The following ATG10 variants were observed in gnomAD, a reference collection of about 807,000 sequenced individuals.
The protein encoded by ATG10 is ubiquitin-like-conjugating enzyme ATG10.
In ATG10, 30 loss-of-function variants were observed where a neutral mutation model predicts 32.1. That is an observed-to-expected ratio of 0.94 (90% CI 0.70 to 1.27). The LOEUF (loss-of-function observed/expected upper bound fraction) is 1.27. ATG10 is among the 50% of genes most tolerant of loss of function. The pLI, the probability that ATG10 is intolerant of heterozygous loss-of-function variation, is 0.00. For synonymous variants in ATG10, 87 were observed against 91.5 expected (o/e 0.95, Z 0.28); for missense variants, 233 against 262.3 (o/e 0.89, Z 0.77).
chr5:82,078,905 C>T (rs981043596), intron 3 of ATG10, among the ~76,000 whole-genome samples: 2 of 152,110 alleles, frequency 1.3e-5, no homozygotes, highest in Non-Finnish European at 2.9e-5. Flanking sequence ...CCCCCTCTAC[C>T]AAGGAGCTGT....
chr5:82,226,199 A>G (rs1036786013), intron 5 of ATG10, among the ~76,000 whole-genome samples: 5 of 152,154 alleles, frequency 3.3e-5, no homozygotes, highest in Non-Finnish European at 7.4e-5. Flanking sequence ...CTGAACATCA[A>G]ACCTTTTAAT....
chr5:82,243,265 A>C (rs577728219), intron 5 of ATG10, among the ~76,000 whole-genome samples: 4 of 152,152 alleles, frequency 2.6e-5, no homozygotes, highest in Non-Finnish European at 5.9e-5. Flanking sequence ...AAGAAAAGGA[A>C]AGGAAGAAAC....
intron 5 of ATG10, among the ~76,000 whole-genome samples, chr5:82,239,730 T>C (rs980565115): frequency 6.6e-6 from 1 of 152,028 alleles, no homozygotes; most frequent in Non-Finnish European, 1.5e-5. Flanking sequence ...TGAAGAGATA[T>C]CCTACAGAAT....
At chr5:82,114,854 T>C (rs568908081) in intron 3 of ATG10, among the ~76,000 whole-genome samples, 2 of 152,236 alleles carry the variant, frequency 1.3e-5, no homozygotes, top group Admixed American at 6.6e-5. Context: ...ATGTAAAATA[T>C]GTACTATATG....
At chr5:82,137,046 T>C (rs1766787436) in intron 3 of ATG10, among the ~76,000 whole-genome samples, 1 of 152,106 alleles carries the variant, frequency 6.6e-6, no homozygotes, top group Non-Finnish European at 1.5e-5. Flanking sequence ...TCATGCTGTG[T>C]TTTTCAGCTC....
chr5:82,174,230 C>A (rs1743921788), intron 4 of ATG10, among the ~76,000 whole-genome samples: 1 of 152,110 alleles, frequency 6.6e-6, no homozygotes, highest in Non-Finnish European at 1.5e-5. Flanking sequence ...ACTAGGCAAA[C>A]CAGTGACGAA....
intron 5 of ATG10, among the ~76,000 whole-genome samples, chr5:82,199,958 A>G (rs1745001694): frequency 6.6e-6 from 1 of 152,218 alleles, no homozygotes; most frequent in South Asian, 2.1e-4. Flanking sequence ...TTCAGTATAT[A>G]TCAATAGTTT....
chr5:82,221,966 C>T (rs1226672471), intron 5 of ATG10, among the ~76,000 whole-genome samples: 2 of 152,132 alleles, frequency 1.3e-5, no homozygotes, highest in East Asian at 3.8e-4. Context: ...AATCTTGTAT[C>T]GGAGTTGCAT....
intron 2 of ATG10, among the ~76,000 whole-genome samples, chr5:82,027,572 G>T (rs575535025): frequency 6.6e-6 from 1 of 152,142 alleles, no homozygotes; most frequent in African/African-American, 2.4e-5. Flanking sequence ...AATGCAGAAA[G>T]TTCCCTAACT....
At chr5:82,131,641 C>CT (rs71000885) in intron 3 of ATG10, among the ~76,000 whole-genome samples, 4,141 of 146,458 alleles carry the variant, frequency 0.028, 100 homozygotes, top group Non-Finnish European at 0.034. Context: ...TTTTATTCTA[C>CT]TTTTTTTTTT....
At chr5:82,119,548 C>T (rs1765960861) in intron 3 of ATG10, among the ~76,000 whole-genome samples, 1 of 152,068 alleles carries the variant, frequency 6.6e-6, no homozygotes, top group African/African-American at 2.4e-5. Flanking sequence ...GCAACCTCCG[C>T]CTCCTGGGTT....
chr5:82,031,475 A>G (rs1193833118), intron 2 of ATG10, among the ~76,000 whole-genome samples: 1 of 152,248 alleles, frequency 6.6e-6, no homozygotes, highest in Non-Finnish European at 1.5e-5. Context: ...AGCCAAAAAA[A>G]CACAGTGGGA....
intron 3 of ATG10, among the ~76,000 whole-genome samples, chr5:82,142,474 C>G (rs933540682): frequency 6.6e-6 from 1 of 152,004 alleles, no homozygotes; most frequent in African/African-American, 2.4e-5. Flanking sequence ...CATGAGACAG[C>G]AGGAGAACTA....
At chr5:82,223,642 A>G (rs1478386692) in intron 5 of ATG10, among the ~76,000 whole-genome samples, 1 of 152,222 alleles carries the variant, frequency 6.6e-6, no homozygotes, top group African/African-American at 2.4e-5. Context: ...TTCCCCAAAG[A>G]TGGGGCAATA....
chr5:82,195,279 A>G (rs1388307687), intron 5 of ATG10, among the ~76,000 whole-genome samples: 1 of 152,110 alleles, frequency 6.6e-6, no homozygotes, highest in Non-Finnish European at 1.5e-5. Flanking sequence ...ACTTGGCAGG[A>G]CCTCTCTAAT....
At chr5:81,993,744 CAT>C (rs960376593) in intron 2 of ATG10, among the ~76,000 whole-genome samples, 9 of 152,098 alleles carry the variant, frequency 5.9e-5, no homozygotes, top group East Asian at 1.9e-4. Flanking sequence ...GTTTCTGACA[CAT>C]AGAAAGCTGT....
intron 5 of ATG10, among the ~76,000 whole-genome samples, chr5:82,230,167 T>G (rs1464556183): frequency 3.9e-5 from 6 of 152,112 alleles, no homozygotes; most frequent in Non-Finnish European, 7.4e-5. Context: ...TTGACTAAAG[T>G]CTTTATGGAG....
intron 2 of ATG10, among the ~76,000 whole-genome samples, chr5:82,033,352 T>C (rs189871349): frequency 0.011 from 1,620 of 151,892 alleles, 37 homozygotes; most frequent in African/African-American, 0.037. Context: ...TTTTTTTTTT[T>C]TTGAGTCAGA....
intron 3 of ATG10, among the ~76,000 whole-genome samples, chr5:82,100,001 T>TTG (rs1765208403): frequency 4.2e-5 from 2 of 48,130 alleles, no homozygotes; most frequent in African/African-American, 2.1e-4. Context: ...TTTTTCTGTG[T>TTG]TTTTTTTTTT....
Sources: allele counts gnomAD v4.1 joint callset (sites outside exome capture counted in the v4.1 genomes callset), GRCh38; gene constraint gnomAD v4.1.1; transcripts MANE v1.5; gene names NCBI Gene and HGNC (gene_info 2026-07-23, HGNC 2026-07-21).